SLC6A2: variants seen among roughly 807,000 people sequenced by gnomAD.
The protein encoded by SLC6A2 is solute carrier family 6 member 2.
In SLC6A2, 26 loss-of-function variants were observed where a neutral mutation model predicts 71.7. The observed-to-expected ratio is 0.36, with a 90% CI of 0.27 to 0.50. SLC6A2 has a LOEUF of 0.50. Ranked by LOEUF, SLC6A2 falls within the 20% of genes least tolerant of loss-of-function variation. SLC6A2 has a pLI of 0.96. For synonymous variants in SLC6A2, 363 were observed against 337.9 expected, an observed-to-expected ratio of 1.07 and a Z score of -0.82; for missense variants, 581 against 803.9, an observed-to-expected ratio of 0.72 and a Z score of 3.35.
rs752241905 is a variant in SLC6A2, at chr16:55,671,929, C to T, written c.407-9C>T. On this transcript the variant is annotated splice_polypyrimidine_tract_variant and intron_variant, in intron 3 of 14. Coordinates refer to ENST00000568943, the MANE Select transcript of SLC6A2 (RefSeq NM_001172501.3). ...GGAGACTCCTACCTTACCCCCTGTC[C>T]CTGCCCAGGCGTTGGCTATGCTGTC... 7 of 1,614,036 alleles carry T rather than the reference C, an allele frequency of 4.3e-6. No individual in the cohort carries two copies. Among genetic ancestry groups the T allele is most frequent in the Middle Eastern group, 3.3e-4 (2 of 6,062 alleles).
chr16:55,691,407 G>T (rs758986255), intron 5 of SLC6A2, among the ~76,000 whole-genome samples: 1 of 152,162 alleles, frequency 6.6e-6, no homozygotes, highest in Non-Finnish European at 1.5e-5. Context: ...AGTTCTGTCT[G>T]GTTCATGAAC....
In SLC6A2 at chr16:55,705,506, C is replaced by T. The variant is rs1966082360; in HGVS notation, c.*3160C>T. On this transcript the variant is annotated 3_prime_UTR_variant, in exon 15 of 15. Transcript: ENST00000568943. Reference sequence around the variant, plus strand: ...GGTGTGTAGTGTGGCGGAAAAAGCACAGCATATAGTTTTACAGACTTGGGT... The same window carrying T: ...GGTGTGTAGTGTGGCGGAAAAAGCATAGCATATAGTTTTACAGACTTGGGT... 2.1e-6 allele frequency: 1 copy of T among 470,214 alleles called. No individual in the cohort carries two copies. The highest frequency in any genetic ancestry group is 3.8e-6 in the Non-Finnish European group (1 of 266,212). 29.1% of individuals were successfully genotyped at this position (470,214 alleles called of 1,614,324 possible). A position where few individuals can be genotyped will look rare whatever the true frequency, so the allele number is the denominator to read the frequency against.
intron 5 of SLC6A2, among the ~76,000 whole-genome samples, chr16:55,690,216 G>A (rs539981671): frequency 1.0e-3 from 155 of 152,146 alleles, no homozygotes; most frequent in Middle Eastern, 3.4e-3. Flanking sequence ...CCAATCATTC[G>A]TACAATAAAC....
intron 5 of SLC6A2, among the ~76,000 whole-genome samples, chr16:55,687,762 C>A (rs1965499982): frequency 6.6e-6 from 1 of 152,210 alleles, no homozygotes; most frequent in Non-Finnish European, 1.5e-5. Context: ...AATGCCATCA[C>A]CAAAGAGGGT....
At chr16:55,672,224 A>G in intron 4 of SLC6A2, 49 bp downstream of exon 4, 1 of 1,614,130 alleles carries the variant, frequency 6.2e-7, no homozygotes, top group Non-Finnish European at 8.5e-7. Flanking sequence ...AGTGCTTGGT[A>G]TGACCTGAGC....
intron 4 of SLC6A2, among the ~76,000 whole-genome samples, chr16:55,676,364 AT>A (rs1965087413): frequency 6.6e-6 from 1 of 152,072 alleles, no homozygotes; most frequent in Non-Finnish European, 1.5e-5. Context: ...CACCCACCTA[AT>A]GAGGTTTTTG....
intron 11 of SLC6A2, 152 bp downstream of exon 11, chr16:55,698,720 C>G (rs775394677): frequency 7.3e-5 from 51 of 703,382 alleles, no homozygotes; most frequent in Non-Finnish European, 1.3e-4. Context: ...ATCCTCGGCT[C>G]ATCTTTGGAT....
intron 4 of SLC6A2, among the ~76,000 whole-genome samples, chr16:55,676,867 T>C (rs1965105404): frequency 6.6e-6 from 1 of 152,184 alleles, no homozygotes; most frequent in South Asian, 2.1e-4. Flanking sequence ...ATCCAGGCAG[T>C]CTATCTCCAA....
intron 7 of SLC6A2, 31 bp from the exon 8 acceptor site, chr16:55,695,247 G>A (rs186572594): frequency 1.9e-6 from 3 of 1,613,538 alleles, no homozygotes; most frequent in East Asian, 2.2e-5. Flanking sequence ...GGGTGTCAAG[G>A]GACTTGACCT....
At chr16:55,693,113 G>A (rs1258553840) in intron 6 of SLC6A2, among the ~76,000 whole-genome samples, 1 of 152,208 alleles carries the variant, frequency 6.6e-6, no homozygotes, top group Non-Finnish European at 1.5e-5. Context: ...AAGGCTGGGC[G>A]CGGTGGCTCA....
intron 2 of SLC6A2, among the ~76,000 whole-genome samples, chr16:55,667,625 G>A (rs1470591200): frequency 6.6e-6 from 1 of 152,192 alleles, no homozygotes; most frequent in Non-Finnish European, 1.5e-5. Context: ...GGAAGAGAAT[G>A]AAAGGAAGAA....
Position 55,699,495 on chromosome 16 carries a change from G to A in SLC6A2, c.1490-59G>A, listed in dbSNP as rs1965903660. On this transcript the variant is annotated intron_variant, in intron 11 of 14. Coordinates refer to ENST00000568943, the MANE Select transcript of SLC6A2 (RefSeq NM_001172501.3). ...CACCTGGGGCCAGAACCTCATGGGA[G>A]GACCTGGCCCTGGCTATCATGGGGG... 4 of 1,360,140 alleles carry A rather than the reference G, an allele frequency of 2.9e-6. No individual in the cohort carries two copies. The Admixed American group carries it at 6.7e-5, about 23-fold the overall frequency. The allele number at this position is 1,360,140 out of a possible 1,614,324, so 84.3% of individuals were successfully genotyped here. A position where few individuals can be genotyped will look rare whatever the true frequency, so the allele number is the denominator to read the frequency against.
intron 13 of SLC6A2, among the ~76,000 whole-genome samples, chr16:55,700,998 C>G (rs1197217325): frequency 6.6e-6 from 1 of 152,096 alleles, no homozygotes; most frequent in Admixed American, 6.6e-5. Context: ...TCCTCATATC[C>G]TTACTTTACA....
At chr16:55,690,688 G>A (rs1163132719) in intron 5 of SLC6A2, among the ~76,000 whole-genome samples, 1 of 152,100 alleles carries the variant, frequency 6.6e-6, no homozygotes, top group Non-Finnish European at 1.5e-5. Flanking sequence ...CACCTTGGCT[G>A]CACAATTTTA....
Position 55,704,995 on chromosome 16 carries a change from GT to G in SLC6A2, c.*2650del. 1 of 474,138 alleles carries G rather than the reference GT, an allele frequency of 2.1e-6. No homozygotes were observed. Among genetic ancestry groups the G allele is most frequent in the South Asian group, 3.7e-5 (1 of 26,774 alleles). The allele number at this position is 474,138 out of a possible 1,614,324, so 29.4% of individuals were successfully genotyped here. On this transcript the variant is annotated 3_prime_UTR_variant, in exon 15 of 15. Transcript: ENST00000568943. ...AGAGAGAGTATGGGCTTTATGTTAA[GT>G]CATCTTTGACTTCCTTTTTGTAGCT...
intron 4 of SLC6A2, among the ~76,000 whole-genome samples, chr16:55,679,196 G>A (rs889672769): frequency 2.0e-5 from 3 of 151,872 alleles, no homozygotes; most frequent in Non-Finnish European, 2.9e-5. Flanking sequence ...CATCAGATAG[G>A]GTCAGTACAT....
At chr16:55,666,124 C>G (rs921907183) in intron 2 of SLC6A2, among the ~76,000 whole-genome samples, 5 of 152,204 alleles carry the variant, frequency 3.3e-5, no homozygotes, top group Non-Finnish European at 7.3e-5. Flanking sequence ...CAGGTCTGCC[C>G]TCACCAGCCC....
chr16:55,688,548 C>T (rs1965525354), intron 5 of SLC6A2, among the ~76,000 whole-genome samples: 1 of 152,140 alleles, frequency 6.6e-6, no homozygotes, highest in South Asian at 2.1e-4. Flanking sequence ...TTCAAGTCAA[C>T]CTTAGAGTAG....
At chr16:55,671,401 CG>C (rs1964906241) in intron 3 of SLC6A2, among the ~76,000 whole-genome samples, 1 of 152,068 alleles carries the variant, frequency 6.6e-6, no homozygotes, top group Non-Finnish European at 1.5e-5. Flanking sequence ...AGAGAGCTCT[CG>C]GGCAAAGAGA....
Sources: gnomAD v4.1 joint callset for allele counts (sites outside exome capture counted in the v4.1 genomes callset) on GRCh38, gnomAD v4.1.1 for gene constraint, MANE v1.5 for transcripts, NCBI Gene and HGNC (gene_info 2026-07-23, HGNC 2026-07-21) for gene names.